The following BNC1 variants were observed in gnomAD, a reference collection of about 807,000 sequenced individuals.
BNC1 encodes the protein zinc finger protein basonuclin-1.
BNC1 carries 8 observed loss-of-function variants against 66.5 expected under a neutral mutation model. That is an observed-to-expected ratio of 0.12 (90% CI 0.07 to 0.22). The LOEUF is 0.22. Ranked by LOEUF, BNC1 falls within the 10% of genes least tolerant of loss-of-function variation. The pLI, the probability that BNC1 is intolerant of heterozygous loss-of-function variation, is 1.00. For synonymous variants in BNC1, 454 were observed against 452.6 expected (o/e 1.00, Z -0.04); for missense variants, 1,069 against 1,241.3 (o/e 0.86, Z 2.09).
intron 1 of BNC1, among the ~76,000 whole-genome samples, chr15:83,281,296 T>A (rs2038376303): frequency 6.6e-6 from 1 of 152,218 alleles, no homozygotes; most frequent in Non-Finnish European, 1.5e-5. Context: ...ATGCTTCTTT[T>A]GAGCAGAATC....
At position 83,263,913 on chromosome 15, in the gene BNC1, C is replaced by T. The variant is rs376158536; in HGVS notation, c.1338G>A (p.Thr446=). 18 of 1,614,044 alleles carry T rather than the reference C, an allele frequency of 1.1e-5. No homozygotes were observed. The highest frequency in any genetic ancestry group is 9.3e-5 in the African/African-American group (7 of 74,918). Residue 446 remains threonine (T), a synonymous_variant, in exon 4 of 5, where the codon ACG becomes ACA. Coordinates refer to ENST00000345382, the MANE Select transcript of BNC1 (RefSeq NM_001717.4). The part of the protein sequence containing the change: ...ENYKCPGFTV[T]SPDCRPPPSY... Reference sequence around the variant, plus strand: ...TGGGAGGAGGCCTACAGTCTGGGGACGTCACTGTGAAACCTGGGCACTTGT... The same window carrying T: ...TGGGAGGAGGCCTACAGTCTGGGGATGTCACTGTGAAACCTGGGCACTTGT...
At chr15:83,272,659 ACT>A (rs1270672500) in intron 1 of BNC1, among the ~76,000 whole-genome samples, 2 of 152,062 alleles carry the variant, frequency 1.3e-5, no homozygotes, top group African/African-American at 4.8e-5. Context: ...CTTCCTGAAG[ACT>A]CTGCTCAAAA....
intron 1 of BNC1, among the ~76,000 whole-genome samples, chr15:83,273,368 T>G (rs1278671437): frequency 6.6e-6 from 1 of 152,298 alleles, no homozygotes; most frequent in East Asian, 1.9e-4. Flanking sequence ...ATATTCTAAT[T>G]ACAGGACAAA....
In BNC1 at chr15:83,264,231, C is replaced by T. The variant is rs752278410; in HGVS notation, c.1020G>A (p.Glu340=). The change falls in exon 4 of 5, where the codon GAG becomes GAA. Residue 340 remains glutamate, a synonymous_variant. Coordinates refer to ENST00000345382, the MANE Select transcript of BNC1 (RefSeq NM_001717.4). ...TATTCCTCTCAGGCTTCACTTTGGC[C>T]TCAGGGGATAACTGTGTCCTTTCAA... ...TKFERTQLSP[E]AKVKPERNSL... 1 of 1,614,176 alleles carries T rather than the reference C, an allele frequency of 6.2e-7. No homozygotes were observed. The highest frequency in any genetic ancestry group is 8.5e-7 in the Non-Finnish European group (1 of 1,180,046).
chr15:83,259,935 C>T (rs1471055352), intron 4 of BNC1, among the ~76,000 whole-genome samples: 1 of 152,118 alleles, frequency 6.6e-6, no homozygotes, highest in Non-Finnish European at 1.5e-5. Context: ...ACTCACTGCC[C>T]ATGTCTCCAT....
chr15:83,276,735 G>A (rs991531026), intron 1 of BNC1, among the ~76,000 whole-genome samples: 3 of 152,168 alleles, frequency 2.0e-5, no homozygotes, highest in African/African-American at 4.8e-5. Flanking sequence ...GTGACTATGA[G>A]GCAATACCGA....
rs920227693 is a variant in BNC1 at position 83,256,551 on chromosome 15, A to G, written c.*891T>C. 6.6e-6 allele frequency: 1 copy of G among 152,358 alleles called. No homozygotes were observed. The highest frequency in any genetic ancestry group is 2.4e-5 in the African/African-American group (1 of 41,448). 9.4% of individuals were successfully genotyped at this position (152,358 alleles called of 1,614,324 possible). On this transcript the variant is annotated 3_prime_UTR_variant, in exon 5 of 5. Coordinates refer to ENST00000345382, the MANE Select transcript of BNC1 (RefSeq NM_001717.4). ...AATATGTACAAATGTTCCTGCCAAA[A>G]TCATGCTTGCATTCATTCCACAGGT...
chr15:83,262,074 A>G (rs1332864518), intron 4 of BNC1, among the ~76,000 whole-genome samples: 1 of 135,534 alleles, frequency 7.4e-6, no homozygotes, highest in Non-Finnish European at 1.5e-5. Context: ...TTTGAGACAG[A>G]GTCTCGCTCT....
intron 1 of BNC1, among the ~76,000 whole-genome samples, chr15:83,275,337 A>C (rs1478020390): frequency 6.6e-6 from 1 of 152,108 alleles, no homozygotes; most frequent in Non-Finnish European, 1.5e-5. Flanking sequence ...CTCTACTAAA[A>C]ATACAAAAAT....
rs2038416770 is a variant in BNC1, at chr15:83,284,131, A to G, written c.99+399T>C. Among the ~76,000 whole-genome samples the G allele has an allele frequency of 2.0e-5, 3 of 149,746 alleles. No individual in the cohort carries two copies. In the South Asian group the frequency reaches 6.3e-4, roughly 31 times the overall value. On this transcript the variant is annotated intron_variant, in intron 1 of 4. Transcript: ENST00000345382. The stretch of plus-strand genomic sequence containing the variant: ...AAAAAAAAAGAAGGGGTCGACCCCC[A>G]CAGGTGGAAACAGCAAGTCCTAACG...
At position 83,257,608 on chromosome 15, in the gene BNC1, T is replaced by G; in HGVS notation, c.2819A>C (p.Lys940Thr). The G allele has an allele frequency of 6.2e-7, 1 of 1,614,118 alleles. No individual in the cohort carries two copies. The highest frequency in any genetic ancestry group is 1.6e-4 in the Middle Eastern group (1 of 6,062). ...CHLCQKTYSN[K>T]GTFRAHYKTV... ...TTTGTAGTGGGCCCTAAAGGTCCCT[T>G]TGTTACTGTATGTCTTTTGGCAGAG... The change falls in exon 5 of 5, where the codon AAA becomes ACA. Residue 940 changes from lysine to threonine, a missense_variant. By Grantham distance (78) the Lys-to-Thr change is moderately conservative (BLOSUM62 -1). This residue lies in a region of BNC1 where 657 missense variants were observed against 715.8 expected (regional missense o/e 0.92). Transcript: ENST00000345382.
chr15:83,260,425 A>C (rs1444631609), intron 4 of BNC1, among the ~76,000 whole-genome samples: 3 of 152,194 alleles, frequency 2.0e-5, no homozygotes, highest in African/African-American at 4.8e-5. Context: ...AAATAGAGAA[A>C]AGCTCTTGAG....
At chr15:83,274,446 G>A (rs1315516830) in intron 1 of BNC1, among the ~76,000 whole-genome samples, 2 of 152,110 alleles carry the variant, frequency 1.3e-5, no homozygotes, top group Non-Finnish European at 2.9e-5. Context: ...CACATTTCAG[G>A]TGCATAGTAG....
chr15:83,280,639 T>G (rs887229800), intron 1 of BNC1, among the ~76,000 whole-genome samples: 1 of 152,060 alleles, frequency 6.6e-6, no homozygotes, highest in East Asian at 1.9e-4. Flanking sequence ...ATGCTAAGAG[T>G]TGACAGTATA....
chr15:83,262,015 C>G (rs2038147487), intron 4 of BNC1, among the ~76,000 whole-genome samples: 1 of 150,428 alleles, frequency 6.6e-6, no homozygotes, highest in African/African-American at 2.4e-5. Context: ...TTACGCTTTA[C>G]TCAACCTGCT....
chr15:83,268,034 G>T, intron 2 of BNC1, 99 bp downstream of exon 2: 2 of 993,072 alleles, frequency 2.0e-6, no homozygotes, highest in Non-Finnish European at 3.1e-6. Flanking sequence ...TAGTTTACTA[G>T]TTAGTTGTCA....
At chr15:83,282,429 G>A (rs1448692303) in intron 1 of BNC1, among the ~76,000 whole-genome samples, 1 of 152,194 alleles carries the variant, frequency 6.6e-6, no homozygotes, top group Non-Finnish European at 1.5e-5. Flanking sequence ...AAAAGGAGAA[G>A]CCATCTTTTC....
intron 1 of BNC1, among the ~76,000 whole-genome samples, chr15:83,274,517 C>T (rs996779597): frequency 6.6e-6 from 1 of 152,202 alleles, no homozygotes; most frequent in African/African-American, 2.4e-5. Context: ...TCCATCATCA[C>T]AGAAAGCTCT....
chr15:83,283,073 C>G, intron 1 of BNC1: 2 of 1,488,134 alleles, frequency 1.3e-6, no homozygotes, highest in South Asian at 1.2e-5. Context: ...ATGCCCCCCG[C>G]CCCCCAACCA....
Sources: gnomAD v4.1 joint callset for allele counts (sites outside exome capture counted in the v4.1 genomes callset) on GRCh38, gnomAD v4.1.1 for gene constraint, gnomAD v4.1.1 regional missense constraint, MANE v1.5 for transcripts, NCBI Gene and HGNC (gene_info 2026-07-23, HGNC 2026-07-21) for gene names.